Variants in KHDRBS2 observed in about 807,000 individuals in gnomAD.
The protein encoded by KHDRBS2 is KH RNA binding domain containing, signal transduction associated 2.
A neutral mutation model predicts 44.3 loss-of-function variants in KHDRBS2; 26 were observed. The observed-to-expected ratio is 0.59, with a 90% CI of 0.43 to 0.81. The LOEUF (loss-of-function observed/expected upper bound fraction) is 0.81, where lower values mean the gene tolerates loss of function less well. KHDRBS2 is among the 40% of genes least tolerant of loss of function. The pLI is 0.00. For missense variants in KHDRBS2, 476 were observed against 433.1 expected (o/e 1.10, Z -0.88); for synonymous variants, 194 against 151.1 (o/e 1.28, Z -2.08).
intron 1 of KHDRBS2, among the ~76,000 whole-genome samples, chr6:62,265,003 A>G (rs1163939495): frequency 2.0e-5 from 3 of 151,852 alleles, no homozygotes; most frequent in Non-Finnish European, 4.4e-5. Context: ...TAATATGAAG[A>G]TATGTTCTAA....
chr6:61,801,655 T>C (rs1414142672), intron 6 of KHDRBS2, among the ~76,000 whole-genome samples: 1 of 152,134 alleles, frequency 6.6e-6, no homozygotes, highest in African/African-American at 2.4e-5. Flanking sequence ...ACATTGGTGA[T>C]GATGATGATA....
At chr6:62,230,718 T>C (rs1832760261) in intron 1 of KHDRBS2, among the ~76,000 whole-genome samples, 1 of 152,198 alleles carries the variant, frequency 6.6e-6, no homozygotes, top group Non-Finnish European at 1.5e-5. Flanking sequence ...GGGGGAATGA[T>C]CAATTAAGAT....
intron 1 of KHDRBS2, among the ~76,000 whole-genome samples, chr6:62,202,815 G>C (rs768797604): frequency 6.6e-6 from 1 of 152,118 alleles, no homozygotes. Context: ...TCTCAAGCAA[G>C]GGATCCCTGT....
chr6:62,196,912 C>G (rs1451064382), intron 1 of KHDRBS2, among the ~76,000 whole-genome samples: 7 of 151,968 alleles, frequency 4.6e-5, no homozygotes, highest in African/African-American at 1.7e-4. Flanking sequence ...TAGGAAGCGC[C>G]CATAAAGCAT....
At chr6:62,117,369 G>A (rs1181311705) in intron 2 of KHDRBS2, among the ~76,000 whole-genome samples, 1 of 151,962 alleles carries the variant, frequency 6.6e-6, no homozygotes, top group Non-Finnish European at 1.5e-5. Flanking sequence ...CTGAGTAATT[G>A]TCACATACCT....
chr6:61,776,453 C>T (rs1782019358), intron 6 of KHDRBS2, among the ~76,000 whole-genome samples: 1 of 152,092 alleles, frequency 6.6e-6, no homozygotes, highest in East Asian at 1.9e-4. Flanking sequence ...AAGAAAAAAA[C>T]AACCCTATCA....
chr6:62,048,117 A>AACAG, intron 2 of KHDRBS2, 123 bp from the exon 3 acceptor site: 2 of 523,690 alleles, frequency 3.8e-6, no homozygotes, highest in Non-Finnish European at 6.7e-6. Context: ...TCATGCCATA[A>AACAG]ACATACACAC....
chr6:61,559,342 A>T, the KHDRBS2 span, among the ~76,000 whole-genome samples: 1 of 134,654 alleles, frequency 7.4e-6, no homozygotes, highest in Non-Finnish European at 1.7e-5. Context: ...GCAACAGATT[A>T]TTGGGTTTGG....
the KHDRBS2 span, among the ~76,000 whole-genome samples, chr6:61,603,022 C>T: frequency 6.6e-6 from 1 of 152,094 alleles, no homozygotes; most frequent in Admixed American, 6.6e-5. Context: ...CTACTTCCTC[C>T]TTGGCAACAG....
rs1195485079 is a variant in KHDRBS2, at chr6:61,894,713, G to T, written c.732C>A (p.Thr244=). 1.2e-6 allele frequency: 2 copies of T among 1,613,374 alleles called. No individual in the cohort carries two copies. The highest frequency in any genetic ancestry group is 1.7e-6 in the Non-Finnish European group (2 of 1,179,626). The change falls in exon 6 of 9, where the codon ACC becomes ACA. Residue 244 remains threonine (T), a synonymous_variant. Transcript: ENST00000281156. ...PVPPVARGVP[T]PRARGAPTVP... ...CTGTTGGTGCCCCCCGGGCTCGAGG[G>T]GTAGGGACACCTCTTGCTACAGGTG...
chr6:61,821,147 C>T (rs1789843456), intron 6 of KHDRBS2, among the ~76,000 whole-genome samples: 1 of 151,958 alleles, frequency 6.6e-6, no homozygotes, highest in Non-Finnish European at 1.5e-5. Flanking sequence ...AACAACTGCA[C>T]CCCTCAGGAA....
chr6:62,076,018 C>T (rs982668464), intron 2 of KHDRBS2, among the ~76,000 whole-genome samples: 8 of 151,434 alleles, frequency 5.3e-5, no homozygotes, highest in Admixed American at 1.3e-4. Context: ...GGTATGGATG[C>T]GTTTGAATAT....
At chr6:61,662,249 G>A in the KHDRBS2 span, among the ~76,000 whole-genome samples, 8 of 151,266 alleles carry the variant, frequency 5.3e-5, no homozygotes, top group Admixed American at 1.3e-4. Context: ...AAATTAATTC[G>A]AGATGGATTA....
chr6:62,229,898 T>C (rs1043527284), intron 1 of KHDRBS2, among the ~76,000 whole-genome samples: 1 of 152,204 alleles, frequency 6.6e-6, no homozygotes, highest in Admixed American at 6.5e-5. Flanking sequence ...GTGATGGTTC[T>C]TTTTGATGGG....
At chr6:62,000,603 C>T (rs1375963549) in intron 3 of KHDRBS2, among the ~76,000 whole-genome samples, 3 of 152,108 alleles carry the variant, frequency 2.0e-5, no homozygotes, top group Non-Finnish European at 4.4e-5. Flanking sequence ...GTAGGCTTTA[C>T]AGATGTCCAG....
chr6:61,652,983 C>G, the KHDRBS2 span, among the ~76,000 whole-genome samples: 5 of 151,910 alleles, frequency 3.3e-5, no homozygotes, highest in Non-Finnish European at 7.4e-5. Context: ...GAAATGACAC[C>G]GGAGGCAATG....
intron 4 of KHDRBS2, among the ~76,000 whole-genome samples, chr6:61,907,351 G>A (rs1222145893): frequency 6.6e-6 from 1 of 151,800 alleles, no homozygotes; most frequent in African/African-American, 2.4e-5. Context: ...TCCATTCTGT[G>A]TATTGTCTCT....
chr6:61,613,776 A>G, the KHDRBS2 span, among the ~76,000 whole-genome samples: 1 of 148,082 alleles, frequency 6.8e-6, no homozygotes, highest in African/African-American at 2.5e-5. Context: ...CCAATTGTAA[A>G]TGGGAGATGT....
At chr6:62,128,233 T>C (rs1451043022) in intron 2 of KHDRBS2, among the ~76,000 whole-genome samples, 1 of 152,126 alleles carries the variant, frequency 6.6e-6, no homozygotes, top group Middle Eastern at 3.2e-3. Context: ...TATAGAATTA[T>C]GGGCCTATGA....
Sources: gnomAD v4.1 joint callset for allele counts (sites outside exome capture counted in the v4.1 genomes callset) on GRCh38, gnomAD v4.1.1 for gene constraint, MANE v1.5 for transcripts, NCBI Gene and HGNC (gene_info 2026-07-23, HGNC 2026-07-21) for gene names.